Variants in ARID1A observed in about 807,000 individuals in gnomAD.
The protein encoded by ARID1A is AT-rich interaction domain 1A, also known as AT-rich interactive domain-containing protein 1A.
ARID1A carries 20 observed loss-of-function variants against 212.6 expected under a neutral mutation model. The observed-to-expected ratio is 0.09, with a 90% CI of 0.07 to 0.14. The LOEUF (loss-of-function observed/expected upper bound fraction) is 0.14. Ranked by LOEUF, ARID1A falls within the 10% of genes least tolerant of loss-of-function variation. ARID1A has a pLI of 1.00. For synonymous variants in ARID1A, 1,376 were observed against 1,222.1 expected (o/e 1.13, Z -2.63); for missense variants, 2,587 against 3,059.0 (o/e 0.85, Z 3.64).
intron 1 of ARID1A, among the ~76,000 whole-genome samples, chr1:26,704,535 C>A (rs1379415604): frequency 6.6e-6 from 1 of 152,168 alleles, no homozygotes; most frequent in Non-Finnish European, 1.5e-5. Flanking sequence ...CATATGCAGT[C>A]TGCCCATTTA....
intron 4 of ARID1A, among the ~76,000 whole-genome samples, chr1:26,754,360 T>C (rs1010403863): frequency 6.6e-6 from 1 of 152,186 alleles, no homozygotes; most frequent in African/African-American, 2.4e-5. Context: ...CCCTCCCATT[T>C]CCCAATAAAA....
intron 1 of ARID1A, among the ~76,000 whole-genome samples, chr1:26,724,793 G>A (rs1367533312): frequency 2.6e-5 from 4 of 152,114 alleles, no homozygotes; most frequent in African/African-American, 9.7e-5. Flanking sequence ...CTATGCAAGG[G>A]GTCTGTCTGC....
At chr1:26,750,736 A>G (rs145624318) in intron 4 of ARID1A, among the ~76,000 whole-genome samples, 1 of 151,740 alleles carries the variant, frequency 6.6e-6, no homozygotes, top group Non-Finnish European at 1.5e-5. Context: ...TCCTACCTTC[A>G]TGGGACTTCT....
In ARID1A at chr1:26,766,571, T is replaced by C. The variant is rs1322892667; in HGVS notation, c.2988+5T>C. ...AAGACAGAATCCAAATCCAAGGTAG[T>C]GATTTTTGTCTTGACTCCTTTCAAC... On this transcript the variant is annotated splice_donor_5th_base_variant and intron_variant, in intron 10 of 19. Coordinates refer to ENST00000324856, the MANE Select transcript of ARID1A (RefSeq NM_006015.6). 6 of 1,604,586 alleles carry C rather than the reference T, an allele frequency of 3.7e-6. No individual in the cohort carries two copies. Among genetic ancestry groups the C allele is most frequent in the Non-Finnish European group, 5.1e-6 (6 of 1,175,384 alleles).
chr1:26,710,625 A>C lies in ARID1A; in HGVS notation c.1137+13085A>C, dbSNP rs531127461. Among the ~76,000 whole-genome samples, 15 of 152,136 alleles carry C rather than the reference A, an allele frequency of 9.9e-5. No homozygotes were observed. In the South Asian group the frequency reaches 3.1e-3, roughly 32 times the overall value. ...GCATTACTAGGTCCTGTTAAGAAGC[A>C]CAGACCCTTGGCCAGTCCTATCGAA... On this transcript the variant is annotated intron_variant, in intron 1 of 19. Transcript: ENST00000324856.
intron 4 of ARID1A, among the ~76,000 whole-genome samples, chr1:26,757,665 C>A (rs1570599517): frequency 6.6e-6 from 1 of 151,670 alleles, no homozygotes; most frequent in Non-Finnish European, 1.5e-5. Context: ...CAAAAATAAT[C>A]AAAACTTTTT....
At chr1:26,698,428 C>T (rs987476614) in intron 1 of ARID1A, among the ~76,000 whole-genome samples, 3 of 152,156 alleles carry the variant, frequency 2.0e-5, no homozygotes, top group Admixed American at 6.5e-5. Context: ...GCCTTTTATT[C>T]CAGAGCTGAA....
chr1:26,756,484 A>T (rs2124038075), intron 4 of ARID1A, among the ~76,000 whole-genome samples: 1 of 150,568 alleles, frequency 6.6e-6, no homozygotes, highest in Non-Finnish European at 1.5e-5. Context: ...TGAACCAAGG[A>T]GGTGGAAGTT....
At chr1:26,747,994 C>G (rs1557601054) in intron 4 of ARID1A, among the ~76,000 whole-genome samples, 1 of 152,162 alleles carries the variant, frequency 6.6e-6, no homozygotes, top group Non-Finnish European at 1.5e-5. Context: ...AGGTTGTATT[C>G]TGGTTTAAGA....
At chr1:26,698,042 G>A (rs1409693122) in intron 1 of ARID1A, among the ~76,000 whole-genome samples, 1 of 152,158 alleles carries the variant, frequency 6.6e-6, no homozygotes, top group Admixed American at 6.5e-5. Context: ...GAGGGCAGGG[G>A]ACTGCTTGGG....
At chr1:26,704,585 C>A (rs1196613389) in intron 1 of ARID1A, among the ~76,000 whole-genome samples, 1 of 152,012 alleles carries the variant, frequency 6.6e-6, no homozygotes, top group South Asian at 2.1e-4. Context: ...TGGCCGGGCG[C>A]GGTAGCTCAC....
chr1:26,774,398 G>T lies in ARID1A; in HGVS notation c.4171G>T (p.Val1391Leu). The T allele has an allele frequency of 6.2e-6, 10 of 1,603,286 alleles. No homozygotes were observed. Among genetic ancestry groups the T allele is most frequent in the Non-Finnish European group, 8.5e-6 (10 of 1,173,080 alleles). Residue 1391 changes from valine (V) to leucine (L), a missense_variant, in exon 18 of 20, where the codon GTG becomes TTG. This residue lies in a region of ARID1A where 890 missense variants were observed against 1,098.2 expected (regional missense o/e 0.81). Coordinates refer to ENST00000324856, the MANE Select transcript of ARID1A (RefSeq NM_006015.6). This position sits in a 1 kb window ranked among gnomAD's most constrained non-coding sequence, Gnocchi z 5.6. ...GCGGCACGAAGGGGAGATGTACAGC[G>T]TGCCATACAGCACTGGGCAGGGGCA... ...AKRHEGEMYS[V>L]PYSTGQGQPQ...
chr1:26,774,636 C>A lies in ARID1A; in HGVS notation c.4409C>A (p.Thr1470Asn). 1 of 1,614,232 alleles carries A rather than the reference C, an allele frequency of 6.2e-7. No individual in the cohort carries two copies. Among genetic ancestry groups the A allele is most frequent in the Non-Finnish European group, 8.5e-7 (1 of 1,180,030 alleles). ...GACCGTGTCTCTGCACCCCCTGGCA[C>A]CAATGCCCAGCAAAACATGCCACCA... ...GRDRVSAPPG[T>N]NAQQNMPPQM... The change falls in exon 18 of 20, where the codon ACC (threonine) becomes AAC (asparagine). Residue 1470 changes from threonine to asparagine, a missense_variant. By Grantham distance (65) the Thr-to-Asn change is moderately conservative. Coordinates refer to ENST00000324856, the MANE Select transcript of ARID1A (RefSeq NM_006015.6). This position sits in a 1 kb window ranked among gnomAD's most constrained non-coding sequence, Gnocchi z 5.6.
At chr1:26,772,674 A>G (rs777881473) in intron 13 of ARID1A, 42 bp downstream of exon 13, 12 of 1,614,080 alleles carry the variant, frequency 7.4e-6, no homozygotes, top group African/African-American at 1.3e-5. Context: ...AGGATGGCTG[A>G]AGATAAGTGC....
Position 26,781,718 on chromosome 1 carries a change from A to G in ARID1A, c.*962A>G, listed in dbSNP as rs2081197459. On this transcript the variant is annotated 3_prime_UTR_variant, in exon 20 of 20. Coordinates refer to ENST00000324856, the MANE Select transcript of ARID1A (RefSeq NM_006015.6). ...ACGAGTTAACAAGTTGGTGACCTGC[A>G]CAAAGCGAGACACAGCTATTTAATC... is the stretch of plus-strand genomic sequence containing the variant. The G allele has an allele frequency of 4.3e-6, 1 of 233,656 alleles. No individual in the cohort carries two copies. The highest frequency in any genetic ancestry group is 8.5e-6 in the Non-Finnish European group (1 of 118,070). 14.5% of individuals were successfully genotyped at this position (233,656 alleles called of 1,614,324 possible).
chr1:26,772,442 G>A (rs114872080), intron 12 of ARID1A, 58 bp from the exon 13 acceptor site: 1 of 1,610,332 alleles, frequency 6.2e-7, no homozygotes, highest in Middle Eastern at 1.7e-4. Flanking sequence ...GTGTGTTTGT[G>A]TGAGAGTTAA....
intron 11 of ARID1A, 127 bp downstream of exon 11, chr1:26,768,126 A>G (rs2081054446): frequency 7.4e-6 from 8 of 1,076,336 alleles, no homozygotes. Flanking sequence ...TTCTGAGTCT[A>G]ATATTGATAG....
chr1:26,729,704 G>T lies in ARID1A; in HGVS notation c.1191G>T (p.Gly397=), dbSNP rs1191450683. 1.2e-6 allele frequency: 2 copies of T among 1,614,124 alleles called. No homozygotes were observed. The highest frequency in any genetic ancestry group is 1.7e-6 in the Non-Finnish European group (2 of 1,180,048). Residue 397 remains glycine, a synonymous_variant, in exon 2 of 20, where the codon GGG becomes GGT. Transcript: ENST00000324856. Reference sequence around the variant, plus strand: ...AGATGAGACCTCAGCCATATGGCGGGACTAACCCATACTCGCAGCAACAGG... The same window carrying T: ...AGATGAGACCTCAGCCATATGGCGGTACTAACCCATACTCGCAGCAACAGG... ...MGKMRPQPYG[G]TNPYSQQQGP...
chr1:26,708,501 G>A (rs2080417648), intron 1 of ARID1A, among the ~76,000 whole-genome samples: 1 of 151,014 alleles, frequency 6.6e-6, no homozygotes, highest in South Asian at 2.1e-4. Context: ...GGTCAGGCTG[G>A]TCCTGAACTC....
Sources: allele counts gnomAD v4.1 joint callset (sites outside exome capture counted in the v4.1 genomes callset), GRCh38; gene constraint gnomAD v4.1.1; regional missense constraint gnomAD v4.1.1; non-coding constraint Gnocchi (gnomAD v3.1); transcripts MANE v1.5; gene names NCBI Gene and HGNC (gene_info 2026-07-23, HGNC 2026-07-21).